The following ASIP variants were observed in gnomAD, a reference collection of about 807,000 sequenced individuals.
ASIP encodes agouti-signaling protein.
A neutral mutation model predicts 10.3 loss-of-function variants in ASIP; 11 were observed. That is an observed-to-expected ratio of 1.07 (90% CI 0.68 to 1.78). The LOEUF is 1.78. Ranked by LOEUF, ASIP falls within the 40% of genes most tolerant of loss-of-function variation. The pLI is 0.00. For synonymous variants in ASIP, 70 were observed against 70.8 expected, an observed-to-expected ratio of 0.99 and a Z score of 0.06; for missense variants, 180 against 169.2, an observed-to-expected ratio of 1.06 and a Z score of -0.35.
At chr20:34,235,517 A>C (rs150988736) in intron 1 of ASIP, among the ~76,000 whole-genome samples, 1 of 152,238 alleles carries the variant, frequency 6.6e-6, no homozygotes, top group East Asian at 1.9e-4. Flanking sequence ...TCTATATGGG[A>C]TATGGAGAAA....
chr20:34,193,109 C>T (rs1213926955), upstream of ASIP, among the ~76,000 whole-genome samples: 1 of 152,164 alleles, frequency 6.6e-6, no homozygotes, highest in Admixed American at 6.5e-5. Flanking sequence ...TCTGTATAGT[C>T]GACAACTTCC....
intron 3 of ASIP, among the ~76,000 whole-genome samples, chr20:34,263,867 C>T (rs1034807815): frequency 4.0e-5 from 6 of 151,762 alleles, no homozygotes; most frequent in African/African-American, 7.3e-5. Flanking sequence ...GATGGGGTTT[C>T]GCCAAGTTTG....
intron 1 of ASIP, among the ~76,000 whole-genome samples, chr20:34,251,869 A>G (rs939106845): frequency 6.6e-6 from 1 of 152,164 alleles, no homozygotes; most frequent in African/African-American, 2.4e-5. Flanking sequence ...CCCTCACTAG[A>G]TATCGAATCT....
At chr20:34,211,984 G>T (rs1182607327) in intron 1 of ASIP, among the ~76,000 whole-genome samples, 1 of 151,946 alleles carries the variant, frequency 6.6e-6, no homozygotes, top group Non-Finnish European at 1.5e-5. Context: ...CTCAAATATT[G>T]CTTGTGTCCC....
chr20:34,239,008 C>T (rs966105002), upstream of ASIP, among the ~76,000 whole-genome samples: 60 of 152,176 alleles, frequency 3.9e-4, no homozygotes, highest in Non-Finnish European at 7.5e-4. Flanking sequence ...GAGCTTCCTA[C>T]TCTGCCATCT....
intron 1 of ASIP, among the ~76,000 whole-genome samples, chr20:34,210,641 A>G (rs1421010649): frequency 3.9e-5 from 6 of 152,228 alleles, no homozygotes; most frequent in African/African-American, 1.4e-4. Context: ...GGGCCTGAGC[A>G]AAACTCAGGC....
intron 2 of ASIP, among the ~76,000 whole-genome samples, chr20:34,262,143 AAG>A (rs1428817919): frequency 6.6e-6 from 1 of 152,180 alleles, no homozygotes; most frequent in East Asian, 1.9e-4. Flanking sequence ...AGAAGAAAGA[AAG>A]AGGATATTCT....
chr20:34,258,578 G>T (rs1322203483), intron 1 of ASIP, among the ~76,000 whole-genome samples: 8 of 141,524 alleles, frequency 5.7e-5, no homozygotes, highest in Non-Finnish European at 6.1e-5. Flanking sequence ...GCCAAGCTTG[G>T]ATGGAATTTA....
chr20:34,198,617 C>T (rs2034873739), intron 1 of ASIP, among the ~76,000 whole-genome samples: 1 of 151,984 alleles, frequency 6.6e-6, no homozygotes, highest in Non-Finnish European at 1.5e-5. Context: ...TCCCAAGTAG[C>T]TAGGATTACA....
At chr20:34,203,967 C>A (rs942808417) in intron 1 of ASIP, among the ~76,000 whole-genome samples, 10 of 152,154 alleles carry the variant, frequency 6.6e-5, no homozygotes, top group Non-Finnish European at 1.5e-5. Flanking sequence ...CTCAGGTGAT[C>A]CACCTGCCTT....
At chr20:34,200,508 G>A (rs564374274) in intron 1 of ASIP, among the ~76,000 whole-genome samples, 7 of 152,316 alleles carry the variant, frequency 4.6e-5, no homozygotes, top group Non-Finnish European at 1.0e-4. Flanking sequence ...GTAAGAGCAG[G>A]TTTTCAAACT....
intron 1 of ASIP, chr20:34,215,936 C>T: frequency 2.5e-6 from 2 of 791,984 alleles, no homozygotes; most frequent in Non-Finnish European, 4.6e-6. Flanking sequence ...ATAGGCTTGC[C>T]CTCTGATCCC....
chr20:34,201,472 C>A lies in ASIP; in HGVS notation c.-11+6712C>A, dbSNP rs182448820. 4.2e-3 allele frequency among the ~76,000 whole-genome samples: 634 copies of A among 152,246 alleles called. 13 individuals carry two copies. Among genetic ancestry groups the A allele is most frequent in the Non-Finnish European group, 1.2e-3 (85 of 68,024 alleles). On this transcript the variant is annotated intron_variant, in intron 1 of 3. Coordinates refer to the ASIP transcript ENST00000568305. Reference sequence around the variant, plus strand: ...GTGACTTATCTCACAGATAATGAGACCTTAATAACAAACAGGTGTAAAAAA... The same window carrying A: ...GTGACTTATCTCACAGATAATGAGAACTTAATAACAAACAGGTGTAAAAAA...
At chr20:34,214,801 T>C (rs1601574528) in intron 1 of ASIP, 5 of 1,539,842 alleles carry the variant, frequency 3.2e-6, no homozygotes, top group Non-Finnish European at 4.5e-6. Context: ...TTTCAAAATA[T>C]GAAGATAATC....
rs535934496 is a variant in ASIP, at chr20:34,254,787, C to T, written c.-10-5578C>T. Among the ~76,000 whole-genome samples the T allele has an allele frequency of 4.6e-5, 7 of 152,262 alleles. No homozygotes were observed. In the East Asian group the frequency reaches 1.3e-3, roughly 29 times the overall value. On this transcript the variant is annotated intron_variant, in intron 1 of 3. Coordinates refer to ENST00000374954, the MANE Select transcript of ASIP (RefSeq NM_001672.3). ...CCCCAAGAATCCTAATACAACTAAA[C>T]ATTATGGACCTGTATTACATTTAGA...
chr20:34,194,173 T>G (rs539733013), upstream of ASIP, among the ~76,000 whole-genome samples: 3 of 152,256 alleles, frequency 2.0e-5, no homozygotes, highest in African/African-American at 7.2e-5. Context: ...CTGTGGGCAC[T>G]GAACTAGAAA....
chr20:34,252,813 C>T (rs2035500264), intron 1 of ASIP, among the ~76,000 whole-genome samples: 1 of 152,198 alleles, frequency 6.6e-6, no homozygotes, highest in Non-Finnish European at 1.5e-5. Context: ...GAGGTCCCTG[C>T]GGACATTGTG....
chr20:34,192,256 C>A (rs891344956), upstream of ASIP, among the ~76,000 whole-genome samples: 4 of 151,986 alleles, frequency 2.6e-5, no homozygotes, highest in Admixed American at 2.6e-4. Flanking sequence ...GTCTCAAGCC[C>A]CCGACCTTAG....
At chr20:34,196,640 T>C (rs1051241516) in intron 1 of ASIP, among the ~76,000 whole-genome samples, 1 of 152,208 alleles carries the variant, frequency 6.6e-6, no homozygotes, top group African/African-American at 2.4e-5. Context: ...GGGAGATTTA[T>C]TCAGATTTTG....
Sources: gnomAD v4.1 joint callset for allele counts (sites outside exome capture counted in the v4.1 genomes callset) on GRCh38, gnomAD v4.1.1 for gene constraint, MANE v1.5 for transcripts, NCBI Gene and HGNC (gene_info 2026-07-23, HGNC 2026-07-21) for gene names.